The following BFSP2 variants were observed in gnomAD, a reference collection of about 807,000 sequenced individuals.
BFSP2 encodes the protein phakinin.
BFSP2 carries 38 observed loss-of-function variants against 44.9 expected under a neutral mutation model. That is an observed-to-expected ratio of 0.85 (90% CI 0.65 to 1.11). BFSP2 has a LOEUF of 1.11. Among genes scored for constraint, BFSP2 ranks in the 50% least tolerant of loss-of-function variants. The probability of loss-of-function intolerance (pLI) is 0.00; values close to 1 mark genes in which losing one functional copy is unlikely to be tolerated. For synonymous variants in BFSP2, 197 were observed against 209.9 expected, an observed-to-expected ratio of 0.94 and a Z score of 0.53; for missense variants, 525 against 533.0, an observed-to-expected ratio of 0.99 and a Z score of 0.15.
Position 133,475,146 on chromosome 3 carries a change from A to G in BFSP2, c.*174A>G, listed in dbSNP as rs1359935886. 1.1e-6 allele frequency: 1 copy of G among 872,786 alleles called. No individual in the cohort carries two copies. The highest frequency in any genetic ancestry group is 1.9e-6 in the Non-Finnish European group (1 of 537,932). 54.1% of individuals were successfully genotyped at this position (872,786 alleles called of 1,614,324 possible). A position where few individuals can be genotyped will look rare whatever the true frequency, so the allele number is the denominator to read the frequency against. The stretch of plus-strand genomic sequence containing the variant: ...AGGATCCTTCTGCTTTAATCTGAGT[A>G]GTCTGTAGCTTGAGCAATCTCCCTT... On this transcript the variant is annotated 3_prime_UTR_variant, in exon 7 of 7. Transcript: ENST00000302334.
chr3:133,443,384 A>G (rs1442177164), intron 1 of BFSP2, among the ~76,000 whole-genome samples: 1 of 152,202 alleles, frequency 6.6e-6, no homozygotes, highest in Non-Finnish European at 1.5e-5. Context: ...CCAAGACCCA[A>G]TCTTGAAAAA....
At chr3:133,440,739 A>G (rs1275068462) in intron 1 of BFSP2, among the ~76,000 whole-genome samples, 1 of 152,136 alleles carries the variant, frequency 6.6e-6, no homozygotes, top group East Asian at 1.9e-4. Context: ...TTGCCCAACA[A>G]TGGCAAATAA....
chr3:133,444,104 G>GTA (rs1014515633), intron 1 of BFSP2, among the ~76,000 whole-genome samples: 6 of 151,280 alleles, frequency 4.0e-5, no homozygotes, highest in Non-Finnish European at 7.4e-5. Context: ...AAATATATAT[G>GTA]TATATATATA....
intron 5 of BFSP2, among the ~76,000 whole-genome samples, chr3:133,471,538 A>G (rs982403717): frequency 1.3e-5 from 2 of 152,172 alleles, no homozygotes; most frequent in Admixed American, 1.3e-4. Flanking sequence ...AGGTCTGAGT[A>G]TATGTTTCCA....
chr3:133,403,097 C>A (rs538543495), intron 1 of BFSP2, among the ~76,000 whole-genome samples: 2 of 152,272 alleles, frequency 1.3e-5, no homozygotes, highest in East Asian at 3.9e-4. Context: ...CCCCACCAGG[C>A]CCCCACCCCT....
At position 133,400,474 on chromosome 3, in the gene BFSP2, G is replaced by T; in HGVS notation, c.391G>T (p.Glu131Ter). The T allele has an allele frequency of 6.2e-7, 1 of 1,614,024 alleles. No homozygotes were observed. Among genetic ancestry groups the T allele is most frequent in the South Asian group, 1.1e-5 (1 of 91,090 alleles). Reference protein sequence around the residue: ...KVHALEQVSQELETQLRMHLE... With the variant: ...KVHALEQVSQ ...GCACGCCCTTGAGCAAGTCAGTCAGGAGCTGGAAACACAACTGCGGATGCA... is the reference window on the plus strand; with the variant it reads ...GCACGCCCTTGAGCAAGTCAGTCAGTAGCTGGAAACACAACTGCGGATGCA... The change falls in exon 1 of 7, where the codon GAG (glutamate) becomes TAG (stop). Residue 131 changes from glutamate (E) to a stop codon, truncating the protein, a stop_gained. Transcript: ENST00000302334. LOFTEE classifies it high-confidence loss of function. The surrounding 1 kb of genome is among the most constrained non-coding windows in gnomAD (Gnocchi z 4.0).
intron 1 of BFSP2, among the ~76,000 whole-genome samples, chr3:133,434,983 C>T (rs2073766990): frequency 6.6e-6 from 1 of 152,124 alleles, no homozygotes; most frequent in Non-Finnish European, 1.5e-5. Flanking sequence ...TTAGTTCATC[C>T]CTAAAGAACT....
intron 5 of BFSP2, among the ~76,000 whole-genome samples, chr3:133,467,774 G>C (rs141137226): frequency 2.6e-5 from 4 of 152,072 alleles, no homozygotes; most frequent in Admixed American, 2.6e-4. Context: ...CTACAGCTTC[G>C]TTGGTGCAAA....
At chr3:133,408,078 A>G (rs2073418720) in intron 1 of BFSP2, among the ~76,000 whole-genome samples, 1 of 152,218 alleles carries the variant, frequency 6.6e-6, no homozygotes, top group Non-Finnish European at 1.5e-5. Flanking sequence ...AAGCAAAATT[A>G]AAAGATAAAT....
intron 4 of BFSP2, among the ~76,000 whole-genome samples, chr3:133,462,207 ATAAC>A (rs2074070676): frequency 6.6e-6 from 1 of 152,136 alleles, no homozygotes; most frequent in African/African-American, 2.4e-5. Flanking sequence ...CAGTTTACAG[ATAAC>A]TAACCTACAG....
intron 1 of BFSP2, among the ~76,000 whole-genome samples, chr3:133,406,893 C>G (rs2073409447): frequency 6.6e-6 from 1 of 152,074 alleles, no homozygotes; most frequent in Admixed American, 6.5e-5. Context: ...AGTGAAGTAG[C>G]ACGTTATAAA....
intron 1 of BFSP2, among the ~76,000 whole-genome samples, chr3:133,401,792 TTTTA>T (rs1017284250): frequency 2.0e-5 from 3 of 152,070 alleles, no homozygotes; most frequent in African/African-American, 7.2e-5. Context: ...GGTCACAAAA[TTTTA>T]TTTGTGTATA....
chr3:133,418,220 G>C (rs139336293), intron 1 of BFSP2, among the ~76,000 whole-genome samples: 29 of 152,008 alleles, frequency 1.9e-4, no homozygotes, highest in African/African-American at 6.5e-4. Flanking sequence ...AGTACTTCCA[G>C]GTACCATTCC....
chr3:133,409,346 G>T (rs2073429724), intron 1 of BFSP2, among the ~76,000 whole-genome samples: 1 of 152,060 alleles, frequency 6.6e-6, no homozygotes, highest in Admixed American at 6.6e-5. Flanking sequence ...GTTGTAAGAT[G>T]CATGACGTTT....
At chr3:133,426,743 A>G (rs10935062) in intron 1 of BFSP2, among the ~76,000 whole-genome samples, 125,608 of 152,252 alleles carry the variant, frequency 0.83, 52,119 homozygotes, top group African/African-American at 0.9. Flanking sequence ...AGAATTCTGC[A>G]GAGGCCTCCC....
intron 1 of BFSP2, among the ~76,000 whole-genome samples, chr3:133,446,637 T>C (rs1376529582): frequency 1.1e-5 from 1 of 87,960 alleles, no homozygotes; most frequent in Non-Finnish European, 2.2e-5. Context: ...TATATATATA[T>C]ATAAAGGAGT....
At chr3:133,402,786 G>A (rs543604946) in intron 1 of BFSP2, among the ~76,000 whole-genome samples, 4 of 151,890 alleles carry the variant, frequency 2.6e-5, no homozygotes, top group Admixed American at 6.6e-5. Context: ...GATTACAGGT[G>A]CACGCCACCA....
intron 1 of BFSP2, among the ~76,000 whole-genome samples, chr3:133,406,481 TC>T (rs2073406187): frequency 6.6e-6 from 1 of 152,160 alleles, no homozygotes; most frequent in African/African-American, 2.4e-5. Context: ...GGGTCAGTTT[TC>T]CATGAAAACT....
chr3:133,417,744 T>G (rs1350841964), intron 1 of BFSP2, among the ~76,000 whole-genome samples: 1 of 137,818 alleles, frequency 7.3e-6, no homozygotes, highest in East Asian at 2.4e-4. Flanking sequence ...ACCCGTCCTC[T>G]CCCCTCTACT....
Sources: gnomAD v4.1 joint callset for allele counts (sites outside exome capture counted in the v4.1 genomes callset) on GRCh38, gnomAD v4.1.1 for gene constraint, Gnocchi (gnomAD v3.1) non-coding constraint, MANE v1.5 for transcripts, NCBI Gene and HGNC (gene_info 2026-07-23, HGNC 2026-07-21) for gene names.